Variants in TTLL7 observed in about 807,000 individuals in gnomAD.
The protein encoded by TTLL7 is tubulin tyrosine ligase like 7, also known as tubulin polyglutamylase TTLL7.
TTLL7 carries 53 observed loss-of-function variants against 120.2 expected under a neutral mutation model. The ratio of observed to expected loss-of-function variants is 0.44; its 90% confidence interval spans 0.35 to 0.55. The LOEUF is 0.55. TTLL7 is among the 20% of genes least tolerant of loss of function. The pLI is 0.00. For synonymous variants in TTLL7, 353 were observed against 351.7 expected (o/e 1.00, Z -0.04); for missense variants, 803 against 1,054.7 (o/e 0.76, Z 3.31).
chr1:83,882,506 G>A (rs990987551), intron 20 of TTLL7, among the ~76,000 whole-genome samples: 1 of 151,852 alleles, frequency 6.6e-6, no homozygotes, highest in African/African-American at 2.4e-5. Context: ...TTTTCAAATA[G>A]AACTTGACAA....
At chr1:83,918,130 A>G (rs1658344705) in intron 13 of TTLL7, among the ~76,000 whole-genome samples, 1 of 152,206 alleles carries the variant, frequency 6.6e-6, no homozygotes. Context: ...AGTTTCACTT[A>G]GAAACATTCT....
intron 19 of TTLL7, chr1:83,890,091 G>A (rs528153700): frequency 5.1e-5 from 30 of 584,282 alleles, no homozygotes; most frequent in Admixed American, 9.7e-5. Context: ...CTTTAATTAG[G>A]ACTACCTTCT....
chr1:83,986,134 T>C (rs1224711680), intron 1 of TTLL7, among the ~76,000 whole-genome samples: 2 of 152,228 alleles, frequency 1.3e-5, no homozygotes, highest in African/African-American at 4.8e-5. Context: ...ATATATTTCA[T>C]TCACTTAGAT....
At chr1:83,998,156 A>G (rs1371393359) in intron 1 of TTLL7, among the ~76,000 whole-genome samples, 1 of 152,192 alleles carries the variant, frequency 6.6e-6, no homozygotes, top group Non-Finnish European at 1.5e-5. Context: ...GAAAACCTAT[A>G]TTCGAATTCC....
At chr1:83,915,282 A>G (rs897151430) in intron 14 of TTLL7, among the ~76,000 whole-genome samples, 36 of 152,318 alleles carry the variant, frequency 2.4e-4, no homozygotes, top group African/African-American at 7.7e-4. Context: ...TGGTACTGGT[A>G]CCAAAACAGA....
Position 83,921,237 on chromosome 1 carries a change from A to C in TTLL7, c.1290+10T>G. On this transcript the variant is annotated intron_variant, in intron 11 of 20. Coordinates refer to ENST00000260505, the MANE Select transcript of TTLL7 (RefSeq NM_024686.6). ...TTTAAATTGTGGGTACTTTCTTAAA[A>C]CTTTCATACCAACTCTTCTTTCCGC... 6.2e-7 allele frequency: 1 copy of C among 1,610,908 alleles called. No homozygotes were observed. Among genetic ancestry groups the C allele is most frequent in the Non-Finnish European group, 8.5e-7 (1 of 1,179,070 alleles).
rs376311332 is a variant in TTLL7 at position 83,925,458 on chromosome 1, A to T, written c.1142+3678T>A. Among the ~76,000 whole-genome samples, 66 of 152,314 alleles carry T rather than the reference A, an allele frequency of 4.3e-4. 1 individual carries two copies. The South Asian group carries it at 0.013, about 30-fold the overall frequency. On this transcript the variant is annotated intron_variant, in intron 10 of 20. Coordinates refer to ENST00000260505, the MANE Select transcript of TTLL7 (RefSeq NM_024686.6). ...TGGTTGTTGAATGATTTGCAGAATG[A>T]CAGAATGGAAGATGCAAAATGGGAT...
intron 10 of TTLL7, among the ~76,000 whole-genome samples, chr1:83,923,454 T>C (rs1658852424): frequency 6.6e-6 from 1 of 151,794 alleles, no homozygotes; most frequent in African/African-American, 2.4e-5. Flanking sequence ...GAGTATTCTA[T>C]GAAAAAAATA....
chr1:83,909,722 T>C (rs1657521051), intron 15 of TTLL7, among the ~76,000 whole-genome samples: 1 of 152,192 alleles, frequency 6.6e-6, no homozygotes, highest in Non-Finnish European at 1.5e-5. Flanking sequence ...TTTGTTAACC[T>C]ATTGGTCTAA....
chr1:83,947,818 C>A (rs936990976), intron 5 of TTLL7, among the ~76,000 whole-genome samples: 17 of 152,034 alleles, frequency 1.1e-4, no homozygotes, highest in African/African-American at 4.1e-4. Flanking sequence ...ACCTTTTATA[C>A]TACCATTTTT....
intron 19 of TTLL7, chr1:83,889,875 A>G (rs186542363): frequency 4.2e-5 from 19 of 456,328 alleles, no homozygotes; most frequent in African/African-American, 3.6e-4. Context: ...GACTGAGAGA[A>G]TAATAATAGG....
intron 1 of TTLL7, among the ~76,000 whole-genome samples, chr1:83,967,152 T>C (rs949048764): frequency 5.9e-5 from 9 of 152,252 alleles, no homozygotes; most frequent in Admixed American, 2.6e-4. Flanking sequence ...TGTTGCATAG[T>C]TGAATTTGAA....
intron 18 of TTLL7, 81 bp from the exon 19 acceptor site, chr1:83,890,562 G>T: frequency 2.6e-6 from 3 of 1,171,220 alleles, no homozygotes; most frequent in Non-Finnish European, 3.6e-6. Flanking sequence ...GAGCTCAGGA[G>T]TTCCAGACCA....
intron 1 of TTLL7, among the ~76,000 whole-genome samples, chr1:83,965,545 G>A (rs977561689): frequency 1.3e-5 from 2 of 151,940 alleles, no homozygotes; most frequent in African/African-American, 2.4e-5. Flanking sequence ...GTGAAAATAC[G>A]CTAAAACTTG....
chr1:83,874,622 C>A (rs927979461), intron 20 of TTLL7, among the ~76,000 whole-genome samples: 2 of 152,026 alleles, frequency 1.3e-5, no homozygotes, highest in African/African-American at 2.4e-5. Flanking sequence ...TTCTCCACAT[C>A]CACATCCTTG....
chr1:83,892,690 A>G (rs575010604), intron 18 of TTLL7, among the ~76,000 whole-genome samples: 6 of 130,938 alleles, frequency 4.6e-5, no homozygotes, highest in Middle Eastern at 4.3e-3. Flanking sequence ...GAACATATAT[A>G]TGAACATATA....
At position 83,942,746 on chromosome 1, in the gene TTLL7, T is replaced by C. The variant is rs1358283032; in HGVS notation, c.507-67A>G. ...AGCAAGGTGTTTAAAAAGTTATAGA[T>C]ATACTCAAATGGAAAATAGTGGAGT... On this transcript the variant is annotated intron_variant, in intron 6 of 20. Coordinates refer to ENST00000260505, the MANE Select transcript of TTLL7 (RefSeq NM_024686.6). 9 of 1,172,014 alleles carry C rather than the reference T, an allele frequency of 7.7e-6. No homozygotes were observed. The Admixed American group carries it at 9.8e-5, about 13-fold the overall frequency. 72.6% of individuals were successfully genotyped at this position (1,172,014 alleles called of 1,614,324 possible). A position where few individuals can be genotyped will look rare whatever the true frequency, so the allele number is the denominator to read the frequency against.
chr1:83,971,878 C>T (rs796970521), intron 1 of TTLL7, among the ~76,000 whole-genome samples: 1 of 152,024 alleles, frequency 6.6e-6, no homozygotes, highest in Non-Finnish European at 1.5e-5. Flanking sequence ...GGATTTAGAT[C>T]ATCTATCTCC....
intron 1 of TTLL7, among the ~76,000 whole-genome samples, chr1:83,986,075 C>T (rs995727980): frequency 2.0e-5 from 3 of 152,158 alleles, no homozygotes; most frequent in Admixed American, 6.5e-5. Context: ...ATCAATAGTA[C>T]TCTGACAACC....
Sources: allele counts gnomAD v4.1 joint callset (sites outside exome capture counted in the v4.1 genomes callset), GRCh38; gene constraint gnomAD v4.1.1; transcripts MANE v1.5; gene names NCBI Gene and HGNC (gene_info 2026-07-23, HGNC 2026-07-21).